XKR9: variants seen among roughly 807,000 people sequenced by gnomAD.
The protein encoded by XKR9 is XK related 9.
A neutral mutation model predicts 32.0 loss-of-function variants in XKR9; 32 were observed. The observed-to-expected ratio is 1.00, with a 90% CI of 0.76 to 1.34. The LOEUF (loss-of-function observed/expected upper bound fraction) is 1.34. XKR9 is among the 40% of genes most tolerant of loss of function. XKR9 has a pLI of 0.00. For missense variants in XKR9, 546 were observed against 429.7 expected (o/e 1.27, Z -2.39); for synonymous variants, 168 against 143.4 (o/e 1.17, Z -1.22).
chr8:70,904,191 G>A, the XKR9 span, among the ~76,000 whole-genome samples: 4 of 152,112 alleles, frequency 2.6e-5, no homozygotes, highest in African/African-American at 9.7e-5. Context: ...TTTCTGTCTT[G>A]TTGATCTGTC....
At chr8:70,945,881 A>T in the XKR9 span, among the ~76,000 whole-genome samples, 1 of 152,200 alleles carries the variant, frequency 6.6e-6, no homozygotes. Flanking sequence ...TCATGCCTGT[A>T]ATCTTAGCAC....
At chr8:70,812,590 A>C in the XKR9 span, among the ~76,000 whole-genome samples, 1 of 152,248 alleles carries the variant, frequency 6.6e-6, no homozygotes. Context: ...CAACTTTGGC[A>C]AAGTCTCAGG....
the XKR9 span, among the ~76,000 whole-genome samples, chr8:71,038,805 T>A: frequency 7.3e-6 from 1 of 136,924 alleles, no homozygotes; most frequent in South Asian, 2.2e-4. Flanking sequence ...GGATGCTGAT[T>A]TTTTTTTTTT....
chr8:70,982,028 T>C, the XKR9 span, among the ~76,000 whole-genome samples: 1 of 152,262 alleles, frequency 6.6e-6, no homozygotes, highest in East Asian at 1.9e-4. Context: ...TACCTGCACC[T>C]GCACTGGTGG....
the XKR9 span, among the ~76,000 whole-genome samples, chr8:71,029,780 T>C: frequency 1.3e-5 from 2 of 151,526 alleles, no homozygotes; most frequent in Non-Finnish European, 1.5e-5. Context: ...AGCTTTTAGA[T>C]GAAAAAAAAA....
chr8:71,002,107 G>A, the XKR9 span, among the ~76,000 whole-genome samples: 28 of 152,066 alleles, frequency 1.8e-4, no homozygotes, highest in East Asian at 5.2e-3. Flanking sequence ...TTGAATACTG[G>A]CTATCATGAG....
chr8:70,748,813 G>A (rs1331238780), intron 2 of XKR9, among the ~76,000 whole-genome samples: 10 of 152,134 alleles, frequency 6.6e-5, no homozygotes, highest in Non-Finnish European at 5.9e-5. Flanking sequence ...GCTGCCCATG[G>A]ACCAATCAGC....
At chr8:70,683,505 TGAGA>T in intron 3 of XKR9, 1 of 441,372 alleles carries the variant, frequency 2.3e-6, no homozygotes, top group Admixed American at 2.6e-5. Context: ...TTTTTTTTTT[TGAGA>T]CAGGGCCTTG....
the XKR9 span, among the ~76,000 whole-genome samples, chr8:70,971,545 G>A: frequency 1.3e-5 from 2 of 152,116 alleles, no homozygotes; most frequent in African/African-American, 4.8e-5. Flanking sequence ...CTAAGCCAAT[G>A]TCTAGAAGTG....
At chr8:70,881,020 A>G in the XKR9 span, among the ~76,000 whole-genome samples, 1 of 152,362 alleles carries the variant, frequency 6.6e-6, no homozygotes, top group African/African-American at 2.4e-5. Context: ...AGCAATGGGG[A>G]AAAGATTCCC....
the XKR9 span, among the ~76,000 whole-genome samples, chr8:70,796,486 AG>A: frequency 6.6e-6 from 1 of 151,946 alleles, no homozygotes; most frequent in African/African-American, 2.4e-5. Context: ...ATCTTGCTAA[AG>A]GTTGGTTTAC....
rs558114911 is a variant in XKR9 at position 70,749,288 on chromosome 8, C to T, written n.353-40051C>T. Among the ~76,000 whole-genome samples, 93 of 152,084 alleles carry T rather than the reference C, an allele frequency of 6.1e-4. 1 individual carries two copies. Among genetic ancestry groups the T allele is most frequent in the African/African-American group, 2.1e-3 (86 of 41,480 alleles). On this transcript the variant is annotated intron_variant and non_coding_transcript_variant, in intron 2 of 3. Coordinates refer to the XKR9 transcript ENST00000520273. ...AATACAAACGGGGCTGAAACATGCT[C>T]CATGCCTGCCACATTGTGGGTGACG...
At chr8:70,876,612 T>C in the XKR9 span, among the ~76,000 whole-genome samples, 2 of 152,166 alleles carry the variant, frequency 1.3e-5, no homozygotes, top group Admixed American at 6.5e-5. Flanking sequence ...AATAAATCCA[T>C]AACTGATACA....
At chr8:70,925,744 G>A in the XKR9 span, among the ~76,000 whole-genome samples, 58 of 152,254 alleles carry the variant, frequency 3.8e-4, 1 homozygote, top group East Asian at 2.9e-3. Context: ...AGAAGGAAAA[G>A]CACCATGCAA....
chr8:70,879,139 G>T, the XKR9 span, among the ~76,000 whole-genome samples: 1 of 152,000 alleles, frequency 6.6e-6, no homozygotes, highest in African/African-American at 2.4e-5. Context: ...CAGAATCTCT[G>T]GGGACACATT....
chr8:70,943,206 A>T, the XKR9 span, among the ~76,000 whole-genome samples: 1 of 152,188 alleles, frequency 6.6e-6, no homozygotes, highest in African/African-American at 2.4e-5. Flanking sequence ...TCATTCATTC[A>T]TTGAAGTGTT....
chr8:71,003,504 T>A, the XKR9 span, among the ~76,000 whole-genome samples: 1 of 152,140 alleles, frequency 6.6e-6, no homozygotes, highest in East Asian at 1.9e-4. Flanking sequence ...ACAAATTCTC[T>A]AGTAAAGTAA....
chr8:71,012,743 GAA>G, the XKR9 span, among the ~76,000 whole-genome samples: 1 of 152,092 alleles, frequency 6.6e-6, no homozygotes, highest in Non-Finnish European at 1.5e-5. Context: ...TTCAGGTGAA[GAA>G]AGTAAGACAC....
chr8:71,003,424 T>C, the XKR9 span, among the ~76,000 whole-genome samples: 1 of 152,226 alleles, frequency 6.6e-6, no homozygotes, highest in East Asian at 1.9e-4. Context: ...AGTATTGTCT[T>C]GGCTAACATT....
Sources: allele counts gnomAD v4.1 joint callset (sites outside exome capture counted in the v4.1 genomes callset), GRCh38; gene constraint gnomAD v4.1.1; transcripts MANE v1.5; gene names NCBI Gene and HGNC (gene_info 2026-07-23, HGNC 2026-07-21).